Variants in ZBTB20 observed in about 807,000 individuals in gnomAD.
The protein encoded by ZBTB20 is zinc finger and BTB domain containing 20.
Under a neutral mutation model 56.9 loss-of-function variants are expected in ZBTB20, and 9 were observed. The observed-to-expected ratio is 0.16, with a 90% CI of 0.10 to 0.28. ZBTB20 has a LOEUF of 0.28. Ranked by LOEUF, ZBTB20 falls within the 10% of genes least tolerant of loss-of-function variation. The pLI, the probability that ZBTB20 is intolerant of heterozygous loss-of-function variation, is 1.00. For synonymous variants in ZBTB20, 417 were observed against 420.7 expected (o/e 0.99, Z 0.11); for missense variants, 655 against 1,003.0 (o/e 0.65, Z 4.69).
intron 1 of ZBTB20, among the ~76,000 whole-genome samples, chr3:115,082,166 C>T (rs1475301620): frequency 8.5e-5 from 13 of 152,158 alleles, no homozygotes; most frequent in Non-Finnish European, 1.3e-4. Context: ...AATGGCTAAA[C>T]AGACCTCTAA....
At chr3:114,870,287 T>C (rs1245898111) in intron 4 of ZBTB20, among the ~76,000 whole-genome samples, 1 of 151,908 alleles carries the variant, frequency 6.6e-6, no homozygotes, top group African/African-American at 2.4e-5. Context: ...AAATTTGTCA[T>C]AGTTAATATG....
intron 5 of ZBTB20, among the ~76,000 whole-genome samples, chr3:114,746,410 C>T (rs1277612376): frequency 6.6e-6 from 1 of 151,814 alleles, no homozygotes; most frequent in Non-Finnish European, 1.5e-5. Context: ...TGAAGAGTCA[C>T]TTGTCTGGAT....
At chr3:114,719,337 G>A (rs937905778) in intron 5 of ZBTB20, among the ~76,000 whole-genome samples, 3 of 151,990 alleles carry the variant, frequency 2.0e-5, no homozygotes, top group Non-Finnish European at 4.4e-5. Flanking sequence ...AGGAATTCAG[G>A]TGCAATAAAG....
At chr3:114,482,832 C>T (rs1187202185) in intron 7 of ZBTB20, among the ~76,000 whole-genome samples, 1 of 152,124 alleles carries the variant, frequency 6.6e-6, no homozygotes, top group East Asian at 1.9e-4. Context: ...AAGAACAGTA[C>T]CTGATTTTCT....
At chr3:114,790,317 A>G (rs1180665839) in intron 5 of ZBTB20, among the ~76,000 whole-genome samples, 2 of 152,148 alleles carry the variant, frequency 1.3e-5, no homozygotes, top group Non-Finnish European at 2.9e-5. Context: ...ATCTTTCCTG[A>G]TTCCTTTTTT....
chr3:115,091,008 T>C (rs2083171694), intron 1 of ZBTB20, among the ~76,000 whole-genome samples: 1 of 151,938 alleles, frequency 6.6e-6, no homozygotes, highest in African/African-American at 2.4e-5. Flanking sequence ...CATAGTCCTC[T>C]ACCAACCTGT....
intron 7 of ZBTB20, among the ~76,000 whole-genome samples, chr3:114,444,398 C>T (rs1269135485): frequency 1.3e-5 from 2 of 152,128 alleles, no homozygotes; most frequent in African/African-American, 2.4e-5. Flanking sequence ...ATGCCTTATC[C>T]TCATCACACA....
intron 2 of ZBTB20, among the ~76,000 whole-genome samples, chr3:114,981,247 A>T (rs2078314759): frequency 6.6e-6 from 1 of 152,080 alleles, no homozygotes; most frequent in Non-Finnish European, 1.5e-5. Context: ...AACCCCCAGG[A>T]CAAAAGGAGA....
chr3:114,775,078 T>A (rs2069488531), intron 5 of ZBTB20, among the ~76,000 whole-genome samples: 1 of 152,106 alleles, frequency 6.6e-6, no homozygotes, highest in South Asian at 2.1e-4. Flanking sequence ...GCCCACCTGA[T>A]CCTTATATTA....
intron 2 of ZBTB20, among the ~76,000 whole-genome samples, chr3:115,014,678 C>T (rs916990691): frequency 3.3e-5 from 5 of 151,610 alleles, no homozygotes; most frequent in Non-Finnish European, 5.9e-5. Context: ...CCAAAAAGTG[C>T]TCTTATGGAT....
chr3:115,064,682 C>G (rs1393637989), intron 2 of ZBTB20, among the ~76,000 whole-genome samples: 2 of 152,016 alleles, frequency 1.3e-5, no homozygotes, highest in Non-Finnish European at 2.9e-5. Context: ...CTCCTGACCT[C>G]AGGTGATCCA....
chr3:114,651,828 C>T (rs1272631728), intron 6 of ZBTB20, among the ~76,000 whole-genome samples: 1 of 152,004 alleles, frequency 6.6e-6, no homozygotes, highest in Non-Finnish European at 1.5e-5. Context: ...CTGTCTTTAA[C>T]CTTGAACATT....
intron 2 of ZBTB20, among the ~76,000 whole-genome samples, chr3:114,995,325 C>T (rs1226825965): frequency 2.6e-5 from 4 of 151,840 alleles, no homozygotes; most frequent in Non-Finnish European, 5.9e-5. Context: ...CCTTATTATA[C>T]TTTTGAAATA....
intron 6 of ZBTB20, among the ~76,000 whole-genome samples, chr3:114,598,739 T>C (rs1279608441): frequency 6.6e-6 from 1 of 152,066 alleles, no homozygotes; most frequent in Non-Finnish European, 1.5e-5. Context: ...AAATTTAATA[T>C]ATCATATTTC....
chr3:114,600,110 C>G (rs1361780545), intron 6 of ZBTB20, among the ~76,000 whole-genome samples: 1 of 151,984 alleles, frequency 6.6e-6, no homozygotes, highest in Non-Finnish European at 1.5e-5. Flanking sequence ...AAATAAAACA[C>G]CATTATTGCT....
At chr3:114,551,096 G>T (rs1002602994) in intron 6 of ZBTB20, among the ~76,000 whole-genome samples, 1 of 151,996 alleles carries the variant, frequency 6.6e-6, no homozygotes, top group South Asian at 2.1e-4. Flanking sequence ...GAAACAAGGG[G>T]GGTTTGTAGA....
At chr3:114,493,651 G>T (rs1368536228) in intron 7 of ZBTB20, among the ~76,000 whole-genome samples, 1 of 151,996 alleles carries the variant, frequency 6.6e-6, no homozygotes, top group Non-Finnish European at 1.5e-5. Flanking sequence ...CTTACTTTTT[G>T]TTTTTAACCT....
rs1391233559 is a variant in ZBTB20, at chr3:114,787,360, TATATATATAC to T, written c.-343+13731_-343+13740del. ...ATATATATATATATATATATATATA[TATATATATAC>T]ACACACACACACACACACACACATA... On this transcript the variant is annotated intron_variant, in intron 5 of 11. Coordinates refer to ENST00000675478, the MANE Select transcript of ZBTB20 (RefSeq NM_001348800.3). 9.3e-3 allele frequency among the ~76,000 whole-genome samples: 894 copies of T among 96,118 alleles called. 19 individuals are homozygous for T. The highest frequency in any genetic ancestry group is 0.022 in the South Asian group (67 of 3,010). 63.1% of individuals were successfully genotyped at this position (96,118 alleles called of 152,430 possible). A position where few individuals can be genotyped will look rare whatever the true frequency, so the allele number is the denominator to read the frequency against.
intron 3 of ZBTB20, among the ~76,000 whole-genome samples, chr3:114,929,184 G>A (rs887868092): frequency 6.6e-6 from 1 of 152,208 alleles, no homozygotes; most frequent in Non-Finnish European, 1.5e-5. Flanking sequence ...GAATCACACT[G>A]CAGGAGGTGG....
Sources: allele counts gnomAD v4.1 joint callset (sites outside exome capture counted in the v4.1 genomes callset), GRCh38; gene constraint gnomAD v4.1.1; transcripts MANE v1.5; gene names NCBI Gene and HGNC (gene_info 2026-07-23, HGNC 2026-07-21).